CFAP65: variants seen among roughly 807,000 people sequenced by gnomAD.
CFAP65 encodes cilia- and flagella-associated protein 65.
Under a neutral mutation model 208.0 loss-of-function variants are expected in CFAP65, and 155 were observed. The observed-to-expected ratio is 0.75, with a 90% CI of 0.65 to 0.85. The LOEUF is 0.85. Among genes scored for constraint, CFAP65 ranks in the 40% least tolerant of loss-of-function variants. The probability of loss-of-function intolerance (pLI) is 0.00; values close to 1 mark genes in which losing one functional copy is unlikely to be tolerated. For missense variants in CFAP65, 2,294 were observed against 2,451.3 expected (o/e 0.94, Z 1.36); for synonymous variants, 970 against 986.3 (o/e 0.98, Z 0.31).
chr2:219,029,750 C>A, intron 10 of CFAP65, 82 bp from the exon 11 acceptor site: 1 of 1,533,066 alleles, frequency 6.5e-7, no homozygotes, highest in Non-Finnish European at 8.9e-7. Flanking sequence ...ACTCTCAGGG[C>A]CAGGCTACAG....
At chr2:219,030,658 A>G in intron 9 of CFAP65, 31 bp downstream of exon 9, 1 of 1,602,444 alleles carries the variant, frequency 6.2e-7, no homozygotes, top group Non-Finnish European at 8.5e-7. Context: ...TGGGGGCGTG[A>G]GTCCTGCCGC....
In CFAP65 at chr2:219,013,373, G is replaced by T; in HGVS notation, c.3847-4C>A. The T allele has an allele frequency of 6.2e-7, 1 of 1,608,224 alleles. No individual in the cohort carries two copies. The highest frequency in any genetic ancestry group is 8.5e-7 in the Non-Finnish European group (1 of 1,176,304). On this transcript the variant is annotated splice_region_variant and splice_polypyrimidine_tract_variant and intron_variant, in intron 23 of 34. Coordinates refer to ENST00000341552, the MANE Select transcript of CFAP65 (RefSeq NM_194302.4). ...CTGTCACACCTATGAAATTTAGCTG[G>T]AAATAAAAGTTCCCCCGGAGGAACT...
At chr2:219,010,485 C>A in intron 26 of CFAP65, 61 bp downstream of exon 26, 2 of 1,547,758 alleles carry the variant, frequency 1.3e-6, no homozygotes, top group Middle Eastern at 2.3e-4. Flanking sequence ...TCTGTCTGGC[C>A]ACCCTGGGCT....
chr2:219,028,471 A>T, intron 11 of CFAP65, 70 bp from the exon 12 acceptor site: 1 of 1,362,952 alleles, frequency 7.3e-7, no homozygotes, highest in Non-Finnish European at 1.0e-6. Context: ...TGGGGGTTGA[A>T]CTGAGGACAG....
chr2:219,029,933 C>A, intron 10 of CFAP65, 53 bp downstream of exon 10: 1 of 1,547,962 alleles, frequency 6.5e-7, no homozygotes. Flanking sequence ...TCTTCAGAAT[C>A]CTCAGCAGGG....
intron 21 of CFAP65, chr2:219,018,680 A>C: frequency 4.2e-6 from 1 of 235,356 alleles, no homozygotes; most frequent in African/African-American, 2.2e-5. Flanking sequence ...CTCCCTGTCC[A>C]TGAAAGAGTC....
intron 4 of CFAP65, among the ~76,000 whole-genome samples, chr2:219,038,046 A>C (rs1382247102): frequency 6.6e-6 from 1 of 152,008 alleles, no homozygotes; most frequent in African/African-American, 2.4e-5. Flanking sequence ...GCACTCTCCT[A>C]CCCCACGGCC....
intron 19 of CFAP65, 28 bp downstream of exon 19, chr2:219,021,124 G>A (rs144349894): frequency 5.4e-6 from 8 of 1,477,930 alleles, no homozygotes; most frequent in Non-Finnish European, 6.3e-6. Context: ...CCCCGGCCCC[G>A]ACTCTCTATG....
Position 219,032,785 on chromosome 2 carries a change from C to T in CFAP65, c.543-213G>A, listed in dbSNP as rs1006004681. On this transcript the variant is annotated intron_variant, in intron 5 of 34. Coordinates refer to ENST00000341552, the MANE Select transcript of CFAP65 (RefSeq NM_194302.4). The surrounding 1 kb of genome is among the most constrained non-coding windows in gnomAD (Gnocchi z 5.5). Reference sequence around the variant, plus strand: ...TCCCCCTCCTATTCTCAGAGATCTTCACTCTGAACAAAAGGGGAGTAGTGT... The same window carrying T: ...TCCCCCTCCTATTCTCAGAGATCTTTACTCTGAACAAAAGGGGAGTAGTGT... Among the ~76,000 whole-genome samples, 3 of 152,094 alleles carry T rather than the reference C, an allele frequency of 2.0e-5. No individual in the cohort carries two copies. Among genetic ancestry groups the T allele is most frequent in the African/African-American group, 7.2e-5 (3 of 41,396 alleles).
At chr2:219,020,796 C>CT (rs1283170364) in intron 19 of CFAP65, among the ~76,000 whole-genome samples, 6 of 152,260 alleles carry the variant, frequency 3.9e-5, no homozygotes, top group Non-Finnish European at 5.9e-5. Context: ...AGTCCACACT[C>CT]TCAATTTCCT....
intron 5 of CFAP65, chr2:219,034,649 T>G (rs1262927462): frequency 6.6e-6 from 1 of 152,216 alleles, no homozygotes; most frequent in Non-Finnish European, 1.5e-5. Context: ...AAAGAGTTTG[T>G]AATTGGGATA....
Position 219,031,599 on chromosome 2 carries a change from T to C in CFAP65, c.705A>G (p.Leu235=). The change falls in exon 7 of 35, where the codon CTA becomes CTG. Residue 235 remains leucine (L), a synonymous_variant. Coordinates refer to ENST00000341552, the MANE Select transcript of CFAP65 (RefSeq NM_194302.4). This position sits in a 1 kb window ranked among gnomAD's most constrained non-coding sequence, Gnocchi z 5.2. The part of the protein sequence containing the change: ...EKAEGMFCVG[L]RATLPCHRLI... ...GCCTGTGGCAGGGCAGGGTGGCCCG[T>C]AGGCCGACACAGAACATCCCCTCCG... The C allele has an allele frequency of 1.9e-6, 3 of 1,614,122 alleles. No individual in the cohort carries two copies. The highest frequency in any genetic ancestry group is 2.5e-6 in the Non-Finnish European group (3 of 1,179,998).
rs201649638 is a variant in CFAP65, at chr2:219,004,064, C to T, written c.5443G>A (p.Gly1815Arg). 36 of 1,613,910 alleles carry T rather than the reference C, an allele frequency of 2.2e-5. No homozygotes were observed. Among genetic ancestry groups the T allele is most frequent in the East Asian group, 6.7e-5 (3 of 44,884 alleles). Residue 1815 changes from glycine (G) to arginine (R), a missense_variant, in exon 33 of 35, where the codon GGG (glycine) becomes AGG (arginine). Physicochemically the swap from Gly to Arg is moderately radical, Grantham distance 125 (BLOSUM62 -2). Transcript: ENST00000341552. This position sits in a 1 kb window ranked among gnomAD's most constrained non-coding sequence, Gnocchi z 4.7. ...TGGGACTCAGGCTGTGGTGTGGGCC[C>T]GATGCCCGCCCAGCTCACTTTCTCT... ...KEEKVSWAGI[G>R]PTPQPESQES...
intron 10 of CFAP65, 140 bp downstream of exon 10, chr2:219,029,846 C>G: frequency 2.7e-6 from 3 of 1,123,792 alleles, no homozygotes; most frequent in Non-Finnish European, 3.8e-6. Context: ...CGGATGATTC[C>G]CCACAGGGCC....
Position 219,003,544 on chromosome 2 carries a change from G to A in CFAP65, c.5556-272C>T, listed in dbSNP as rs1318596363. ...CATCTCAGGGCCAAGTTTAGAGAAA[G>A]GTAGGGAAGTGATGAGAGGGCGCAG... is the stretch of plus-strand genomic sequence containing the variant. On this transcript the variant is annotated intron_variant, in intron 33 of 34. Coordinates refer to ENST00000341552, the MANE Select transcript of CFAP65 (RefSeq NM_194302.4). This position sits in a 1 kb window ranked among gnomAD's most constrained non-coding sequence, Gnocchi z 4.4. 6.6e-6 allele frequency among the ~76,000 whole-genome samples: 1 copy of A among 152,204 alleles called. No individual in the cohort carries two copies. Among genetic ancestry groups the A allele is most frequent in the Non-Finnish European group, 1.5e-5 (1 of 68,042 alleles).
chr2:219,016,828 T>A (rs1403828337), intron 21 of CFAP65, among the ~76,000 whole-genome samples: 2 of 152,150 alleles, frequency 1.3e-5, no homozygotes, highest in East Asian at 1.9e-4. Context: ...CAGGAAGAAG[T>A]CCAAACTGTC....
In CFAP65 at chr2:219,023,428, C is replaced by A. The variant is rs756386263; in HGVS notation, c.2599G>T (p.Val867Leu). The A allele has an allele frequency of 2.4e-5, 37 of 1,564,708 alleles. No individual in the cohort carries two copies. Among genetic ancestry groups the A allele is most frequent in the Non-Finnish European group, 3.1e-5 (36 of 1,154,156 alleles). Residue 867 changes from valine to leucine, a missense_variant, in exon 16 of 35, where the codon GTG becomes TTG. Transcript: ENST00000341552. Reference protein sequence around the residue: ...CNASPQYLKEVSMYSREEPLQ... With the variant: ...CNASPQYLKELSMYSREEPLQ... Reference sequence around the variant, plus strand: ...GGCTCCTCCCGGCTGTACATGCTCACCTCCTGGAGCCAGAGGAAGAAGGGC... The same window carrying A: ...GGCTCCTCCCGGCTGTACATGCTCAACTCCTGGAGCCAGAGGAAGAAGGGC...
chr2:219,022,364 C>T (rs567775180), intron 16 of CFAP65, 35 bp from the exon 17 acceptor site: 31 of 1,568,352 alleles, frequency 2.0e-5, no homozygotes, highest in East Asian at 1.4e-4. Flanking sequence ...CAGTGGCCTT[C>T]GGAAGCCCCT....
intron 16 of CFAP65, 120 bp downstream of exon 16, chr2:219,023,087 G>A (rs1357820067): frequency 1.3e-6 from 1 of 793,626 alleles, no homozygotes; most frequent in East Asian, 2.7e-5. Flanking sequence ...TCGCCAGGTG[G>A]GGGAAGTTAC....
Sources: allele counts gnomAD v4.1 joint callset (sites outside exome capture counted in the v4.1 genomes callset), GRCh38; gene constraint gnomAD v4.1.1; non-coding constraint Gnocchi (gnomAD v3.1); transcripts MANE v1.5; gene names NCBI Gene and HGNC (gene_info 2026-07-23, HGNC 2026-07-21).